Variants in RDH12 observed in about 807,000 individuals in gnomAD.
The protein encoded by RDH12 is all-trans and 9-cis retinol dehydrogenase.
A neutral mutation model predicts 34.0 loss-of-function variants in RDH12; 21 were observed. That is an observed-to-expected ratio of 0.62 (90% CI 0.44 to 0.89). The LOEUF (loss-of-function observed/expected upper bound fraction) is 0.89, where lower values mean the gene tolerates loss of function less well. Ranked by LOEUF, RDH12 falls within the 40% of genes least tolerant of loss-of-function variation. The pLI is 0.00. For missense variants in RDH12, 394 were observed against 398.6 expected (o/e 0.99, Z 0.10); for synonymous variants, 198 against 169.9 (o/e 1.17, Z -1.29).
intron 1 of RDH12, among the ~76,000 whole-genome samples, chr14:67,715,371 A>G (rs1244355038): frequency 1.3e-5 from 2 of 152,264 alleles, no homozygotes; most frequent in African/African-American, 2.4e-5. Flanking sequence ...TACTCCAAAC[A>G]GAAAATAGCA....
chr14:67,724,513 C>G lies in RDH12; in HGVS notation c.109C>G (p.Leu37Val), dbSNP rs747968994. 6.2e-7 allele frequency: 1 copy of G among 1,613,056 alleles called. No individual in the cohort carries two copies. The change falls in exon 4 of 9, where the codon CTT becomes GTT. Residue 37 changes from leucine (L) to valine (V), a missense_variant. Physicochemically the swap from Leu to Val is conservative, Grantham distance 32 (BLOSUM62 1). Transcript: ENST00000551171. ...TGGAGTGTGTAGAACAAATGTGCAG[C>G]TTCCTGGCAAGGTAGTGGTGATCAC... ...AGGVCRTNVQLPGKVVVITGA... is the reference protein window; with the variant it reads ...AGGVCRTNVQVPGKVVVITGA...
Position 67,727,117 on chromosome 14 carries a change from C to T in RDH12, c.585C>T (p.Ser195=). 1 of 1,614,204 alleles carries T rather than the reference C, an allele frequency of 6.2e-7. No individual in the cohort carries two copies. The highest frequency in any genetic ancestry group is 8.5e-7 in the Non-Finnish European group (1 of 1,180,044). The change falls in exon 7 of 9, where the codon AGC becomes AGT. Residue 195 remains serine (S), a synonymous_variant. Transcript: ENST00000551171. ...ACCTCCAGAGCGAGAAGCGCTACAG[C>T]AGGGGTTTTGCCTATTGCCACAGCA... ...FHDLQSEKRY[S]RGFAYCHSKL... is the part of the protein sequence containing the mutation.
chr14:67,720,240 C>A (rs774965022), intron 1 of RDH12, among the ~76,000 whole-genome samples: 5 of 152,254 alleles, frequency 3.3e-5, no homozygotes, highest in Admixed American at 6.5e-5. Context: ...GTTGTTATTC[C>A]TTTTCTTACT....
intron 1 of RDH12, among the ~76,000 whole-genome samples, chr14:67,718,524 C>A (rs1401938553): frequency 6.6e-6 from 1 of 152,178 alleles, no homozygotes; most frequent in Non-Finnish European, 1.5e-5. Flanking sequence ...CAGTGTTAGC[C>A]CTGGGAGGAT....
At chr14:67,722,789 A>C (rs2038140164) in intron 3 of RDH12, 79 bp downstream of exon 3, 10 of 1,198,618 alleles carry the variant, frequency 8.3e-6, no homozygotes, top group Non-Finnish European at 1.2e-5. Flanking sequence ...CTGAAAGAAG[A>C]GAAAGGGAAG....
At chr14:67,722,101 T>A (rs2038130551) in intron 2 of RDH12, among the ~76,000 whole-genome samples, 1 of 152,112 alleles carries the variant, frequency 6.6e-6, no homozygotes, top group African/African-American at 2.4e-5. Flanking sequence ...GTTCCAGTCA[T>A]CTCCCTCCCC....
chr14:67,726,373 G>T (rs894193101), intron 6 of RDH12, among the ~76,000 whole-genome samples: 2 of 152,156 alleles, frequency 1.3e-5, no homozygotes, highest in African/African-American at 4.8e-5. Context: ...CAAATTTCAG[G>T]AAATACCAGG....
chr14:67,729,971 G>T (rs1309781510), intron 8 of RDH12, among the ~76,000 whole-genome samples: 1 of 152,146 alleles, frequency 6.6e-6, no homozygotes, highest in African/African-American at 2.4e-5. Context: ...GTCCCGCTTT[G>T]TTCAAGGCTT....
intron 1 of RDH12, among the ~76,000 whole-genome samples, chr14:67,713,206 G>A (rs1426395206): frequency 6.6e-6 from 1 of 151,490 alleles, no homozygotes; most frequent in Non-Finnish European, 1.5e-5. Flanking sequence ...TGGGTCTCAG[G>A]CTGAAAACAA....
chr14:67,725,207 T>G lies in RDH12; in HGVS notation c.296T>G (p.Leu99Arg). Residue 99 changes from leucine (L) to arginine (R), a missense_variant, in exon 5 of 9, where the codon CTA (leucine) becomes CGA (arginine). Leu to Arg is a moderately radical substitution (Grantham distance 102). Coordinates refer to ENST00000551171, the MANE Select transcript of RDH12 (RefSeq NM_152443.3). Reference protein sequence around the residue: ...NSQVLVRKLDLSDTKSIRAFA... With the variant: ...NSQVLVRKLDRSDTKSIRAFA... ...CAGGTGCTGGTGCGGAAATTGGACC[T>G]ATCCGACACCAAATCTATCCGAGCC... The G allele has an allele frequency of 6.2e-7, 1 of 1,614,080 alleles. No individual in the cohort carries two copies. Among genetic ancestry groups the G allele is most frequent in the African/African-American group, 1.3e-5 (1 of 75,056 alleles).
At chr14:67,720,228 G>C (rs1055731648) in intron 1 of RDH12, among the ~76,000 whole-genome samples, 2 of 152,114 alleles carry the variant, frequency 1.3e-5, no homozygotes, top group Non-Finnish European at 1.5e-5. Flanking sequence ...TATTTCAATT[G>C]GGTTGTTATT....
chr14:67,713,493 G>A (rs1479424125), intron 1 of RDH12, among the ~76,000 whole-genome samples: 1 of 151,938 alleles, frequency 6.6e-6, no homozygotes, highest in Non-Finnish European at 1.5e-5. Flanking sequence ...TTCTCTGGAG[G>A]GGATATTCCC....
Position 67,729,379 on chromosome 14 carries a change from A to G in RDH12, c.847A>G (p.Ser283Gly). 1 of 1,597,258 alleles carries G rather than the reference A, an allele frequency of 6.3e-7. No homozygotes were observed. Among genetic ancestry groups the G allele is most frequent in the Non-Finnish European group, 8.5e-7 (1 of 1,179,718 alleles). Residue 283 changes from serine (S) to glycine (G), a missense_variant and splice_region_variant, in exon 8 of 9, where the codon AGT (serine) becomes GGT (glycine). Physicochemically the swap from Ser to Gly is moderately conservative, Grantham distance 56 (BLOSUM62 0). Coordinates refer to ENST00000551171, the MANE Select transcript of RDH12 (RefSeq NM_152443.3). ...GLEPLSGKYF[S>G]DCKRTWVSPR... ...GGAGCCCCTGAGTGGCAAGTACTTCAGGTGTGTGAAGGCAATGCGGTTCTC... is the reference window on the plus strand; with the variant it reads ...GGAGCCCCTGAGTGGCAAGTACTTCGGGTGTGTGAAGGCAATGCGGTTCTC...
At position 67,724,008 on chromosome 14, in the gene RDH12, G is replaced by A. The variant is rs374722316; in HGVS notation, c.69-465G>A. ...TGTATGCCATCCCCCAGAGTGCTAAGAGCAGTACCTGTGTGTGCCACCCCC... is the reference window on the plus strand; with the variant it reads ...TGTATGCCATCCCCCAGAGTGCTAAAAGCAGTACCTGTGTGTGCCACCCCC... On this transcript the variant is annotated intron_variant, in intron 3 of 8. Transcript: ENST00000551171. Among the ~76,000 whole-genome samples the A allele has an allele frequency of 9.2e-4, 140 of 152,350 alleles. 1 individual carries two copies. In the South Asian group the frequency reaches 0.028, roughly 31 times the overall value.
chr14:67,715,871 C>T (rs971700533), intron 1 of RDH12, among the ~76,000 whole-genome samples: 33 of 152,164 alleles, frequency 2.2e-4, no homozygotes, highest in Admixed American at 5.2e-4. Flanking sequence ...AAATGTAGAG[C>T]TTATTTCTGT....
chr14:67,715,532 G>A lies in RDH12; in HGVS notation c.-274-5316G>A, dbSNP rs146265951. On this transcript the variant is annotated intron_variant, in intron 1 of 8. Transcript: ENST00000551171. ...CTGAGCACCTCACCACAGTGCAGGC[G>A]TAAGGCCTGGGCTTATTGGCCCTCT... is the stretch of plus-strand genomic sequence containing the variant. 1.2e-3 allele frequency among the ~76,000 whole-genome samples: 183 copies of A among 152,308 alleles called. 4 individuals carry two copies. Among genetic ancestry groups the A allele is most frequent in the African/African-American group, 4.0e-3 (166 of 41,562 alleles).
chr14:67,710,066 G>A (rs182976169), intron 1 of RDH12, among the ~76,000 whole-genome samples: 1 of 152,166 alleles, frequency 6.6e-6, no homozygotes, highest in Non-Finnish European at 1.5e-5. Flanking sequence ...GAGTCTTCCT[G>A]CCTTTGTTTT....
chr14:67,726,079 C>T lies in RDH12; in HGVS notation c.372C>T (p.Asn124=), dbSNP rs1457758459. The T allele has an allele frequency of 2.5e-6, 4 of 1,613,984 alleles. No homozygotes were observed. In the East Asian group the frequency reaches 8.9e-5, roughly 36 times the overall value. The change falls in exon 6 of 9, where the codon AAC becomes AAT. Residue 124 remains asparagine (N), a synonymous_variant. Transcript: ENST00000551171. ...AEEKQLHILI[N]NAGVMMCPYS... ...AAAAGCAGCTCCATATTCTGATCAA[C>T]AATGCGGGAGTAATGATGTGTCCAT...
chr14:67,713,011 T>A (rs571717194), intron 1 of RDH12, among the ~76,000 whole-genome samples: 1 of 152,228 alleles, frequency 6.6e-6, no homozygotes, highest in Non-Finnish European at 1.5e-5. Context: ...TCCTTTGGAT[T>A]TGATCAAGTT....
Sources: allele counts gnomAD v4.1 joint callset (sites outside exome capture counted in the v4.1 genomes callset), GRCh38; gene constraint gnomAD v4.1.1; transcripts MANE v1.5; gene names NCBI Gene and HGNC (gene_info 2026-07-23, HGNC 2026-07-21).